The following OSBPL10 variants were observed in gnomAD, a reference collection of about 807,000 sequenced individuals.
OSBPL10 encodes oxysterol-binding protein-related protein 10.
In OSBPL10, 49 loss-of-function variants were observed where a neutral mutation model predicts 81.7. That is an observed-to-expected ratio of 0.60 (90% CI 0.48 to 0.76). OSBPL10 has a LOEUF of 0.76. OSBPL10 is among the 30% of genes least tolerant of loss of function. The pLI is 0.00. For missense variants in OSBPL10, 923 were observed against 987.8 expected (o/e 0.93, Z 0.88); for synonymous variants, 419 against 383.6 (o/e 1.09, Z -1.08).
intron 1 of OSBPL10, among the ~76,000 whole-genome samples, chr3:31,934,125 G>A (rs1162304573): frequency 6.6e-6 from 1 of 151,158 alleles, no homozygotes; most frequent in Non-Finnish European, 1.5e-5. Context: ...AAGTGCTTTG[G>A]TAAGAGGCAT....
At chr3:31,761,177 A>C (rs1386475816) in intron 4 of OSBPL10, among the ~76,000 whole-genome samples, 2 of 149,480 alleles carry the variant, frequency 1.3e-5, no homozygotes, top group South Asian at 4.1e-4. Flanking sequence ...GGGTAAAGAA[A>C]AGTTAAGAAG....
At chr3:31,718,037 G>A (rs1205495756) in intron 6 of OSBPL10, 1 of 152,116 alleles carries the variant, frequency 6.6e-6, no homozygotes, top group African/African-American at 2.4e-5. Flanking sequence ...ATACAACTGT[G>A]CTCAGGTAGG....
Position 31,772,322 on chromosome 3 carries a change from T to A in OSBPL10, c.730-24202A>T, listed in dbSNP as rs115492712. Among the ~76,000 whole-genome samples, 968 of 152,316 alleles carry A rather than the reference T, an allele frequency of 6.4e-3. 12 individuals carry two copies. Among genetic ancestry groups the A allele is most frequent in the African/African-American group, 0.022 (925 of 41,552 alleles). On this transcript the variant is annotated intron_variant, in intron 4 of 11. Coordinates refer to ENST00000396556, the MANE Select transcript of OSBPL10 (RefSeq NM_017784.5). ...CCTTTCCTTTTTAACATTTAGCAGG[T>A]ACAGTCAATCCTCATTATTCACAGT... is the stretch of plus-strand genomic sequence containing the variant.
chr3:31,687,651 C>G (rs1201687151), intron 7 of OSBPL10, among the ~76,000 whole-genome samples: 1 of 152,108 alleles, frequency 6.6e-6, no homozygotes, highest in African/African-American at 2.4e-5. Context: ...GGTGCCACCT[C>G]CAAGTCCCTG....
At chr3:31,949,761 G>A (rs1340100860) in intron 1 of OSBPL10, among the ~76,000 whole-genome samples, 1 of 146,588 alleles carries the variant, frequency 6.8e-6, no homozygotes, top group African/African-American at 2.5e-5. Flanking sequence ...AGCCTTAATT[G>A]AGAGAGGTAA....
At chr3:31,684,864 TG>T (rs1700751688) in intron 7 of OSBPL10, among the ~76,000 whole-genome samples, 1 of 152,144 alleles carries the variant, frequency 6.6e-6, no homozygotes, top group Non-Finnish European at 1.5e-5. Context: ...CAGAACCTGC[TG>T]CTAAAGGACT....
chr3:31,812,739 AAAGAAAGAAAGAAAG>A (rs1699722209), intron 4 of OSBPL10, among the ~76,000 whole-genome samples: 3 of 20,996 alleles, frequency 1.4e-4, no homozygotes, highest in African/African-American at 6.8e-4. Context: ...AGAAAGAAAG[AAAGAAAGAAAGAAAG>A]AAAGAAAGAA....
intron 4 of OSBPL10, among the ~76,000 whole-genome samples, chr3:31,805,910 T>TG (rs976136710): frequency 5.9e-5 from 9 of 151,686 alleles, no homozygotes; most frequent in African/African-American, 2.2e-4. Context: ...ATTAAGTACC[T>TG]GGCACTGTTC....
intron 3 of OSBPL10, among the ~76,000 whole-genome samples, chr3:31,862,130 A>G (rs891183788): frequency 7.2e-5 from 11 of 152,200 alleles, no homozygotes; most frequent in African/African-American, 2.7e-4. Context: ...CTCTATCAAA[A>G]TATCTCACGT....
intron 1 of OSBPL10, among the ~76,000 whole-genome samples, chr3:31,913,765 T>C (rs1367966676): frequency 6.6e-6 from 1 of 152,200 alleles, no homozygotes; most frequent in African/African-American, 2.4e-5. Flanking sequence ...GTTTTTTCAG[T>C]GCCCAAATGT....
At chr3:31,825,272 G>C (rs775380830) in intron 4 of OSBPL10, among the ~76,000 whole-genome samples, 1 of 152,184 alleles carries the variant, frequency 6.6e-6, no homozygotes, top group Non-Finnish European at 1.5e-5. Flanking sequence ...AGACAGACTG[G>C]AAACACAGAT....
At position 31,783,788 on chromosome 3, in the gene OSBPL10, TTAAAAAA is replaced by T. The variant is rs1302654744; in HGVS notation, c.730-35675_730-35669del. On this transcript the variant is annotated intron_variant, in intron 4 of 11. Coordinates refer to ENST00000396556, the MANE Select transcript of OSBPL10 (RefSeq NM_017784.5). ...ACTGGGTGACAGAGCAAGACTCCGA[TTAAAAAA>T]AAAAAAAAAAAAAAAAAAAAAAAAA... is the stretch of plus-strand genomic sequence containing the variant. Among the ~76,000 whole-genome samples, 100 of 18,858 alleles carry T rather than the reference TTAAAAAA, an allele frequency of 5.3e-3. 11 individuals are homozygous for T. Among genetic ancestry groups the T allele is most frequent in the South Asian group, 0.029 (7 of 240 alleles). The allele number at this position is 18,858 out of a possible 152,430, so 12.4% of individuals were successfully genotyped here. A position where few individuals can be genotyped will look rare whatever the true frequency, so the allele number is the denominator to read the frequency against.
At chr3:31,818,304 C>T (rs1459106303) in intron 4 of OSBPL10, among the ~76,000 whole-genome samples, 1 of 152,174 alleles carries the variant, frequency 6.6e-6, no homozygotes, top group Non-Finnish European at 1.5e-5. Flanking sequence ...TGATGGCAGT[C>T]ATCTTCACAC....
chr3:31,680,003 G>T (rs1012267411), intron 8 of OSBPL10, among the ~76,000 whole-genome samples: 2 of 152,132 alleles, frequency 1.3e-5, no homozygotes, highest in Admixed American at 6.5e-5. Flanking sequence ...AGAGTCCCCA[G>T]TCTGGGCTGA....
At chr3:31,733,049 A>G in intron 6 of OSBPL10, 1 of 628,988 alleles carries the variant, frequency 1.6e-6, no homozygotes, top group Non-Finnish European at 2.7e-6. Flanking sequence ...TCGTAGGATC[A>G]CAATTCACCC....
In OSBPL10 at chr3:31,661,950, C is replaced by G; in HGVS notation, c.*122G>C. ...TTCATAGTATATAATTTCTCTCTCT[C>G]TCATCATTTCTTGGATGCTAATACA... On this transcript the variant is annotated 3_prime_UTR_variant, in exon 12 of 12. Transcript: ENST00000396556. 1 of 1,373,762 alleles carries G rather than the reference C, an allele frequency of 7.3e-7. No homozygotes were observed. Among genetic ancestry groups the G allele is most frequent in the Non-Finnish European group, 1.0e-6 (1 of 1,001,988 alleles). 85.1% of individuals were successfully genotyped at this position (1,373,762 alleles called of 1,614,324 possible).
chr3:31,872,255 G>A (rs1024513174), intron 3 of OSBPL10, among the ~76,000 whole-genome samples: 1 of 152,078 alleles, frequency 6.6e-6, no homozygotes, highest in East Asian at 1.9e-4. Context: ...ACCCACAGAG[G>A]GAAGCACATG....
Position 31,681,177 on chromosome 3 carries a change from C to T in OSBPL10, c.1726+2457G>A, listed in dbSNP as rs562141006. On this transcript the variant is annotated intron_variant, in intron 8 of 11. Coordinates refer to ENST00000396556, the MANE Select transcript of OSBPL10 (RefSeq NM_017784.5). ...TGTCTCATTGGTGAACTTCTTGATC[C>T]TGATTGATCCTTGAGAGGAAGGTGT... 4.6e-5 allele frequency among the ~76,000 whole-genome samples: 7 copies of T among 152,264 alleles called. No homozygotes were observed. The South Asian group carries it at 1.5e-3, about 32-fold the overall frequency.
At chr3:31,816,421 C>T (rs950933679) in intron 4 of OSBPL10, among the ~76,000 whole-genome samples, 2 of 152,178 alleles carry the variant, frequency 1.3e-5, no homozygotes, top group Non-Finnish European at 2.9e-5. Flanking sequence ...AGGCTCCCTT[C>T]GCTTTCCAGA....
Sources: gnomAD v4.1 joint callset for allele counts (sites outside exome capture counted in the v4.1 genomes callset) on GRCh38, gnomAD v4.1.1 for gene constraint, MANE v1.5 for transcripts, NCBI Gene and HGNC (gene_info 2026-07-23, HGNC 2026-07-21) for gene names.